NXPE2: variants seen among roughly 807,000 people sequenced by gnomAD.
NXPE2 encodes neurexophilin and PC-esterase domain family member 2.
In NXPE2, 34 loss-of-function variants were observed where a neutral mutation model predicts 34.4. That is an observed-to-expected ratio of 0.99 (90% CI 0.75 to 1.31). NXPE2 has a LOEUF of 1.31. Among genes scored for constraint, NXPE2 ranks in the 40% most tolerant of loss-of-function variants. The pLI is 0.00. For synonymous variants in NXPE2, 235 were observed against 231.3 expected, an observed-to-expected ratio of 1.02 and a Z score of -0.15; for missense variants, 649 against 672.5, an observed-to-expected ratio of 0.97 and a Z score of 0.39.
At chr11:114,527,822 A>T in the NXPE2 span, 1 of 1,586,632 alleles carries the variant, frequency 6.3e-7, no homozygotes, top group Non-Finnish European at 8.6e-7. Flanking sequence ...CACCTAACTC[A>T]GGACAGAGCC....
At chr11:114,687,614 T>C (rs531074765) in intron 2 of NXPE2, among the ~76,000 whole-genome samples, 11 of 152,262 alleles carry the variant, frequency 7.2e-5, no homozygotes, top group African/African-American at 2.6e-4. Flanking sequence ...TTTGGTTCCA[T>C]ATGAATTTTA....
the NXPE2 span, among the ~76,000 whole-genome samples, chr11:114,493,659 A>G: frequency 6.6e-6 from 1 of 152,020 alleles, no homozygotes; most frequent in Non-Finnish European, 1.5e-5. Context: ...TTTTATTTAT[A>G]CTGTATACTA....
At chr11:114,564,219 C>T in the NXPE2 span, among the ~76,000 whole-genome samples, 1 of 152,070 alleles carries the variant, frequency 6.6e-6, no homozygotes, top group East Asian at 1.9e-4. Flanking sequence ...AACCAAACAT[C>T]ATATCATATG....
chr11:114,741,719 T>C, the NXPE2 span, among the ~76,000 whole-genome samples: 5 of 152,248 alleles, frequency 3.3e-5, no homozygotes, highest in South Asian at 6.2e-4. Flanking sequence ...GTTGTGTTTC[T>C]AAATTTGTTG....
At chr11:114,618,113 G>A in the NXPE2 span, among the ~76,000 whole-genome samples, 1,339 of 151,958 alleles carry the variant, frequency 8.8e-3, 19 homozygotes, top group African/African-American at 0.031. Context: ...ATTAAGTGTC[G>A]CCTCGTGGGA....
At chr11:114,568,025 C>T in the NXPE2 span, among the ~76,000 whole-genome samples, 5 of 152,108 alleles carry the variant, frequency 3.3e-5, no homozygotes, top group Admixed American at 2.6e-4. Flanking sequence ...ATCACACAGA[C>T]ATTGCCACAG....
chr11:114,598,738 G>A, the NXPE2 span, among the ~76,000 whole-genome samples: 1 of 152,130 alleles, frequency 6.6e-6, no homozygotes, highest in African/African-American at 2.4e-5. Flanking sequence ...CAGGGTGACA[G>A]GGCCCCGGGC....
the NXPE2 span, among the ~76,000 whole-genome samples, chr11:114,570,305 A>C: frequency 6.6e-6 from 1 of 152,152 alleles, no homozygotes; most frequent in African/African-American, 2.4e-5. Flanking sequence ...CAAAGTCTTA[A>C]AATGATCAAC....
At chr11:114,611,034 CTG>C in the NXPE2 span, among the ~76,000 whole-genome samples, 1 of 151,472 alleles carries the variant, frequency 6.6e-6, no homozygotes, top group Non-Finnish European at 1.5e-5. Context: ...AACTCTTACT[CTG>C]TGGATTATAA....
chr11:114,544,947 C>T, the NXPE2 span, among the ~76,000 whole-genome samples: 11 of 151,962 alleles, frequency 7.2e-5, no homozygotes, highest in Non-Finnish European at 1.5e-4. Flanking sequence ...CGCATTACAA[C>T]TAAATATATA....
chr11:114,554,708 T>C, the NXPE2 span, among the ~76,000 whole-genome samples: 14 of 152,378 alleles, frequency 9.2e-5, no homozygotes, highest in East Asian at 2.7e-3. Flanking sequence ...GAAAATAATC[T>C]GTGACTTCAA....
At chr11:114,534,222 G>A in the NXPE2 span, among the ~76,000 whole-genome samples, 4 of 152,200 alleles carry the variant, frequency 2.6e-5, no homozygotes, top group Non-Finnish European at 5.9e-5. Context: ...GCAGCTGAGG[G>A]TTCTGACTGT....
the NXPE2 span, among the ~76,000 whole-genome samples, chr11:114,532,930 TGCA>T: frequency 6.6e-6 from 1 of 152,166 alleles, no homozygotes; most frequent in Non-Finnish European, 1.5e-5. Flanking sequence ...CTGATTGGAT[TGCA>T]GCTGCAATAA....
chr11:114,572,889 T>C, the NXPE2 span, among the ~76,000 whole-genome samples: 14 of 152,118 alleles, frequency 9.2e-5, no homozygotes, highest in African/African-American at 3.4e-4. Context: ...CACAGAAAGA[T>C]CATTGCCTAG....
At chr11:114,803,570 GTCTCTC>G in the NXPE2 span, among the ~76,000 whole-genome samples, 4 of 144,964 alleles carry the variant, frequency 2.8e-5, no homozygotes, top group Non-Finnish European at 4.5e-5. Context: ...ACTCCCTCAG[GTCTCTC>G]TCTCTCTCTT....
At chr11:114,803,478 ACTGGTGGTAT>A in the NXPE2 span, among the ~76,000 whole-genome samples, 1 of 152,304 alleles carries the variant, frequency 6.6e-6, no homozygotes, top group South Asian at 2.1e-4. Flanking sequence ...AGACCAAGGC[ACTGGTGGTAT>A]CTGGTGAGGG....
intron 2 of NXPE2, among the ~76,000 whole-genome samples, chr11:114,691,845 A>C (rs1163662358): frequency 6.6e-6 from 1 of 152,156 alleles, no homozygotes; most frequent in Non-Finnish European, 1.5e-5. Context: ...GTCTGCCTCC[A>C]TTCTACTTCT....
chr11:114,746,629 A>ATCATGAGG, the NXPE2 span, among the ~76,000 whole-genome samples: 1 of 152,130 alleles, frequency 6.6e-6, no homozygotes, highest in African/African-American at 2.4e-5. Flanking sequence ...AGGTGGGCGG[A>ATCATGAGG]TCATGAGGTC....
At chr11:114,697,693 T>A (rs1951284817) in intron 2 of NXPE2, among the ~76,000 whole-genome samples, 1 of 152,196 alleles carries the variant, frequency 6.6e-6, no homozygotes, top group South Asian at 2.1e-4. Flanking sequence ...GTTGTTTGCA[T>A]TGTTGATATA....
Sources: gnomAD v4.1 joint callset for allele counts (sites outside exome capture counted in the v4.1 genomes callset) on GRCh38, gnomAD v4.1.1 for gene constraint, MANE v1.5 for transcripts, NCBI Gene and HGNC (gene_info 2026-07-23, HGNC 2026-07-21) for gene names.